The following PRIM2 variants were observed in gnomAD, a reference collection of about 807,000 sequenced individuals.
PRIM2 encodes the protein DNA primase subunit 2.
Under a neutral mutation model 67.3 loss-of-function variants are expected in PRIM2, and 39 were observed. The observed-to-expected ratio is 0.58, with a 90% CI of 0.45 to 0.76. The LOEUF (loss-of-function observed/expected upper bound fraction) is 0.76, where lower values mean the gene tolerates loss of function less well. Ranked by LOEUF, PRIM2 falls within the 30% of genes least tolerant of loss-of-function variation. The pLI, the probability that PRIM2 is intolerant of heterozygous loss-of-function variation, is 0.00. For synonymous variants in PRIM2, 143 were observed against 198.7 expected (o/e 0.72, Z 2.36); for missense variants, 398 against 598.7 (o/e 0.66, Z 3.50).
chr6:57,227,664 A>T, the PRIM2 span, among the ~76,000 whole-genome samples: 3 of 146,606 alleles, frequency 2.0e-5, no homozygotes, highest in Admixed American at 2.0e-4. Context: ...AAAAAAAAAG[A>T]ATAAATAAAT....
chr6:57,304,050 C>G, the PRIM2 span, among the ~76,000 whole-genome samples: 1 of 152,174 alleles, frequency 6.6e-6, no homozygotes, highest in African/African-American at 2.4e-5. Flanking sequence ...AGCTAGCTAT[C>G]TATGCTTACC....
chr6:57,521,551 T>C (rs1258549365), intron 8 of PRIM2, among the ~76,000 whole-genome samples: 1 of 152,054 alleles, frequency 6.6e-6, no homozygotes, highest in African/African-American at 2.4e-5. Flanking sequence ...TATACTTTTA[T>C]GGAATGATGT....
At chr6:57,619,903 T>G (rs1329194352) in intron 12 of PRIM2, among the ~76,000 whole-genome samples, 1 of 152,010 alleles carries the variant, frequency 6.6e-6, no homozygotes, top group African/African-American at 2.4e-5. Flanking sequence ...CATGCAAATA[T>G]AAGAAGCACA....
chr6:57,430,447 G>GTTTT lies in PRIM2; in HGVS notation c.693+48300_693+48303dup, dbSNP rs71687266. ...GCTTTGTATAGGAGTTTCTTTCTTT[G>GTTTT]TTTTTTTTTTTTTTTTTTTTTTTTG... On this transcript the variant is annotated intron_variant, in intron 7 of 13. Coordinates refer to ENST00000615550, the MANE Select transcript of PRIM2 (RefSeq NM_000947.5). Among the ~76,000 whole-genome samples the GTTTT allele has an allele frequency of 8.7e-4, 68 of 78,150 alleles. 1 individual carries two copies. Among genetic ancestry groups the GTTTT allele is most frequent in the Middle Eastern group, 0.014 (1 of 74 alleles). 51.3% of individuals were successfully genotyped at this position (78,150 alleles called of 152,430 possible). A position where few individuals can be genotyped will look rare whatever the true frequency, so the allele number is the denominator to read the frequency against.
At chr6:57,635,480 G>T (rs1264304822) in intron 13 of PRIM2, among the ~76,000 whole-genome samples, 3 of 152,260 alleles carry the variant, frequency 2.0e-5, no homozygotes, top group South Asian at 2.1e-4. Flanking sequence ...CATATTCCAT[G>T]TATAAATGAA....
the PRIM2 span, among the ~76,000 whole-genome samples, chr6:57,243,631 G>A: frequency 6.6e-6 from 1 of 152,112 alleles, no homozygotes. Flanking sequence ...ACTACGCCCC[G>A]ACTCTTTTTT....
the PRIM2 span, among the ~76,000 whole-genome samples, chr6:57,251,752 C>A: frequency 6.6e-6 from 1 of 152,170 alleles, no homozygotes; most frequent in South Asian, 2.1e-4. Context: ...TGAAGAAAAT[C>A]ATCCAGTCTT....
At chr6:57,435,794 T>C (rs1771990686) in intron 7 of PRIM2, among the ~76,000 whole-genome samples, 1 of 152,226 alleles carries the variant, frequency 6.6e-6, no homozygotes, top group Non-Finnish European at 1.5e-5. Flanking sequence ...CAGTAAGTAC[T>C]GATAGTACGG....
intron 7 of PRIM2, among the ~76,000 whole-genome samples, chr6:57,434,084 C>T (rs1182919255): frequency 6.6e-6 from 1 of 151,964 alleles, no homozygotes; most frequent in Non-Finnish European, 1.5e-5. Flanking sequence ...GCCACCATGC[C>T]CAACTAATTT....
intron 7 of PRIM2, among the ~76,000 whole-genome samples, chr6:57,472,072 T>G (rs1255078014): frequency 2.0e-5 from 3 of 152,170 alleles, no homozygotes; most frequent in Admixed American, 6.5e-5. Context: ...TATTCAGAAG[T>G]CAGCTGCTAT....
intron 7 of PRIM2, among the ~76,000 whole-genome samples, chr6:57,492,568 A>G (rs1554346094): frequency 5.3e-5 from 8 of 152,204 alleles, no homozygotes; most frequent in South Asian, 2.1e-4. Context: ...ATAAATAAAT[A>G]AAAAGATGAA....
At chr6:57,330,863 A>T (rs926843179) in intron 5 of PRIM2, among the ~76,000 whole-genome samples, 6 of 151,942 alleles carry the variant, frequency 3.9e-5, no homozygotes, top group Non-Finnish European at 8.8e-5. Flanking sequence ...AATTGAGATG[A>T]TCATGTGGTT....
intron 12 of PRIM2, among the ~76,000 whole-genome samples, chr6:57,610,658 C>T (rs1291211585): frequency 1.3e-5 from 2 of 151,580 alleles, no homozygotes; most frequent in Non-Finnish European, 2.9e-5. Flanking sequence ...TTCACCAACA[C>T]GATATAAAAA....
the PRIM2 span, among the ~76,000 whole-genome samples, chr6:57,251,795 G>A: frequency 6.6e-6 from 1 of 152,138 alleles, no homozygotes; most frequent in Non-Finnish European, 1.5e-5. Flanking sequence ...ATTTTCTCAT[G>A]AGAATGCATA....
chr6:57,227,582 T>C, the PRIM2 span, among the ~76,000 whole-genome samples: 3 of 147,286 alleles, frequency 2.0e-5, no homozygotes, highest in Non-Finnish European at 4.4e-5. Context: ...AGATGGAGGT[T>C]GCAGTGAGCC....
intron 7 of PRIM2, among the ~76,000 whole-genome samples, chr6:57,452,539 G>C (rs1170287651): frequency 1.3e-5 from 2 of 152,232 alleles, no homozygotes; most frequent in Non-Finnish European, 2.9e-5. Context: ...GGCCAGTGAT[G>C]ATGAGCGTTT....
intron 10 of PRIM2, among the ~76,000 whole-genome samples, chr6:57,551,883 A>C: frequency 6.6e-6 from 1 of 152,336 alleles, no homozygotes; most frequent in Middle Eastern, 3.4e-3. Flanking sequence ...GCCACAACGT[A>C]AGTTTTATGT....
intron 10 of PRIM2, among the ~76,000 whole-genome samples, chr6:57,558,200 AT>A (rs1264866299): frequency 1.3e-5 from 2 of 152,232 alleles, no homozygotes; most frequent in Non-Finnish European, 2.9e-5. Flanking sequence ...AACCCTTAGT[AT>A]TGTGCTTATT....
intron 7 of PRIM2, among the ~76,000 whole-genome samples, chr6:57,423,373 T>A (rs1306050487): frequency 6.6e-6 from 1 of 152,168 alleles, no homozygotes; most frequent in Non-Finnish European, 1.5e-5. Context: ...ATAAAATTAA[T>A]CAGAGTCAAG....
Sources: gnomAD v4.1 joint callset for allele counts (sites outside exome capture counted in the v4.1 genomes callset) on GRCh38, gnomAD v4.1.1 for gene constraint, MANE v1.5 for transcripts, NCBI Gene and HGNC (gene_info 2026-07-23, HGNC 2026-07-21) for gene names.